Variants in LRMDA observed in about 807,000 individuals in gnomAD.
The protein encoded by LRMDA is leucine-rich melanocyte differentiation-associated protein.
LRMDA carries 18 observed loss-of-function variants against 29.8 expected under a neutral mutation model. The observed-to-expected ratio is 0.60, with a 90% CI of 0.42 to 0.90. The LOEUF (loss-of-function observed/expected upper bound fraction) is 0.90, where lower values mean the gene tolerates loss of function less well. Among genes scored for constraint, LRMDA ranks in the 40% least tolerant of loss-of-function variants. LRMDA has a pLI of 0.00. For synonymous variants in LRMDA, 125 were observed against 109.4 expected (o/e 1.14, Z -0.89); for missense variants, 273 against 273.9 (o/e 1.00, Z 0.02).
At chr10:76,257,600 C>T (rs565082037) in intron 5 of LRMDA, among the ~76,000 whole-genome samples, 1 of 152,206 alleles carries the variant, frequency 6.6e-6, no homozygotes, top group African/African-American at 2.4e-5. Flanking sequence ...TCCCAAAGTG[C>T]TGGGATTACA....
chr10:76,167,041 T>G (rs561179395), intron 5 of LRMDA, among the ~76,000 whole-genome samples: 1 of 152,350 alleles, frequency 6.6e-6, no homozygotes, highest in African/African-American at 2.4e-5. Context: ...TGGTTTTAAT[T>G]TGCATTTCTC....
intron 2 of LRMDA, among the ~76,000 whole-genome samples, chr10:75,770,524 A>G (rs768948784): frequency 6.6e-6 from 1 of 152,254 alleles, no homozygotes; most frequent in Non-Finnish European, 1.5e-5. Flanking sequence ...CTTCTTCCCT[A>G]TAGCAGTTCT....
At chr10:75,803,698 A>T (rs540996258) in intron 2 of LRMDA, among the ~76,000 whole-genome samples, 1 of 152,338 alleles carries the variant, frequency 6.6e-6, no homozygotes, top group African/African-American at 2.4e-5. Flanking sequence ...TAAGCTGCAT[A>T]GAAGTATTGT....
At chr10:75,486,422 A>G (rs1363869019) in intron 2 of LRMDA, among the ~76,000 whole-genome samples, 2 of 152,112 alleles carry the variant, frequency 1.3e-5, no homozygotes, top group East Asian at 1.9e-4. Flanking sequence ...GTTATTCATT[A>G]TTATGCTAAG....
chr10:76,327,173 C>T (rs1419827550), intron 6 of LRMDA, among the ~76,000 whole-genome samples: 2 of 149,664 alleles, frequency 1.3e-5, no homozygotes, highest in Non-Finnish European at 3.0e-5. Flanking sequence ...CTCACTGCAA[C>T]CTCCGCCTCC....
At chr10:75,576,823 A>G (rs1351932699) in intron 2 of LRMDA, among the ~76,000 whole-genome samples, 1 of 152,240 alleles carries the variant, frequency 6.6e-6, no homozygotes, top group African/African-American at 2.4e-5. Context: ...ACTAACAATC[A>G]GAAAGGAATA....
intron 6 of LRMDA, among the ~76,000 whole-genome samples, chr10:76,541,599 A>G (rs1048057253): frequency 4.6e-5 from 7 of 152,176 alleles, no homozygotes; most frequent in Admixed American, 4.6e-4. Context: ...TTCCAGGGGT[A>G]AGAAGATGTT....
At chr10:76,063,493 G>C (rs1848735824) in intron 5 of LRMDA, among the ~76,000 whole-genome samples, 1 of 152,016 alleles carries the variant, frequency 6.6e-6, no homozygotes, top group Admixed American at 6.5e-5. Flanking sequence ...TTGTGTATTT[G>C]TGTAGTTTGT....
chr10:75,712,528 A>G (rs1431995498), intron 2 of LRMDA, among the ~76,000 whole-genome samples: 1 of 152,136 alleles, frequency 6.6e-6, no homozygotes, highest in Non-Finnish European at 1.5e-5. Context: ...AGCACTGACA[A>G]AGTGAGGGGA....
chr10:75,436,056 TA>T (rs201038266), intron 1 of LRMDA, among the ~76,000 whole-genome samples: 5,979 of 126,938 alleles, frequency 0.047, 258 homozygotes, highest in African/African-American at 0.12. Context: ...CCCATCTCTT[TA>T]AAAAAAAAAA....
At chr10:75,738,934 G>A (rs533948313) in intron 2 of LRMDA, among the ~76,000 whole-genome samples, 11 of 152,160 alleles carry the variant, frequency 7.2e-5, no homozygotes, top group Non-Finnish European at 1.2e-4. Flanking sequence ...CATTTTTCTC[G>A]TTCACAAGTC....
At chr10:76,509,222 T>C (rs1476981528) in intron 6 of LRMDA, among the ~76,000 whole-genome samples, 1 of 152,156 alleles carries the variant, frequency 6.6e-6, no homozygotes, top group Non-Finnish European at 1.5e-5. Context: ...CTGGCAATAA[T>C]TTCTAATGTC....
intron 6 of LRMDA, among the ~76,000 whole-genome samples, chr10:76,425,625 T>C (rs563038550): frequency 2.6e-5 from 4 of 152,106 alleles, no homozygotes; most frequent in African/African-American, 9.6e-5. Flanking sequence ...TATTATACTT[T>C]AAGTTCTAGG....
intron 2 of LRMDA, among the ~76,000 whole-genome samples, chr10:75,444,318 C>G (rs537140797): frequency 1.9e-4 from 29 of 152,290 alleles, no homozygotes; most frequent in Non-Finnish European, 3.1e-4. Flanking sequence ...ATTAAAGTTA[C>G]TGGAGCCAGT....
intron 5 of LRMDA, among the ~76,000 whole-genome samples, chr10:76,154,069 TTC>T (rs1850495012): frequency 6.6e-6 from 1 of 152,244 alleles, no homozygotes; most frequent in Non-Finnish European, 1.5e-5. Context: ...TGGTCCCTCT[TTC>T]TCTGTCAGAT....
At chr10:75,747,356 A>G (rs1842901825) in intron 2 of LRMDA, among the ~76,000 whole-genome samples, 1 of 152,240 alleles carries the variant, frequency 6.6e-6, no homozygotes, top group Admixed American at 6.5e-5. Context: ...GGTATTATTC[A>G]AATAAATTTT....
At chr10:76,059,503 G>GTCC (rs1229662418) in intron 5 of LRMDA, among the ~76,000 whole-genome samples, 42 of 152,226 alleles carry the variant, frequency 2.8e-4, no homozygotes, top group Admixed American at 2.4e-3. Context: ...GAGTCCTTCA[G>GTCC]TGAAGCCAGA....
intron 2 of LRMDA, among the ~76,000 whole-genome samples, chr10:75,551,576 A>G (rs943037808): frequency 6.6e-6 from 1 of 151,788 alleles, no homozygotes; most frequent in Non-Finnish European, 1.5e-5. Context: ...GAATGAGAAC[A>G]TGTGGTGTTT....
intron 6 of LRMDA, among the ~76,000 whole-genome samples, chr10:76,455,176 A>G (rs1023009502): frequency 6.6e-6 from 1 of 152,218 alleles, no homozygotes; most frequent in East Asian, 1.9e-4. Flanking sequence ...ATCAACATCT[A>G]TGGCCACCCA....
Sources: gnomAD v4.1 joint callset for allele counts (sites outside exome capture counted in the v4.1 genomes callset) on GRCh38, gnomAD v4.1.1 for gene constraint, MANE v1.5 for transcripts, NCBI Gene and HGNC (gene_info 2026-07-23, HGNC 2026-07-21) for gene names.